The following ZNF804B variants were observed in gnomAD, a reference collection of about 807,000 sequenced individuals.
The protein encoded by ZNF804B is zinc finger 804B.
A neutral mutation model predicts 101.4 loss-of-function variants in ZNF804B; 80 were observed. The observed-to-expected ratio is 0.79, with a 90% CI of 0.66 to 0.95. The LOEUF (loss-of-function observed/expected upper bound fraction) is 0.95. ZNF804B is among the 40% of genes least tolerant of loss of function. The pLI, the probability that ZNF804B is intolerant of heterozygous loss-of-function variation, is 0.00. For synonymous variants in ZNF804B, 622 were observed against 558.8 expected (o/e 1.11, Z -1.59); for missense variants, 1,673 against 1,561.9 (o/e 1.07, Z -1.20).
At chr7:89,113,275 G>T (rs1040964193) in intron 1 of ZNF804B, among the ~76,000 whole-genome samples, 1 of 152,180 alleles carries the variant, frequency 6.6e-6, no homozygotes, top group Non-Finnish European at 1.5e-5. Flanking sequence ...ATATCTGTGT[G>T]ATGGGATCAT....
At chr7:89,030,041 A>G (rs1334285254) in intron 1 of ZNF804B, among the ~76,000 whole-genome samples, 2 of 152,164 alleles carry the variant, frequency 1.3e-5, no homozygotes, top group Non-Finnish European at 2.9e-5. Context: ...ACTGTGTTAT[A>G]AAAGAGTTAA....
intron 1 of ZNF804B, among the ~76,000 whole-genome samples, chr7:88,921,059 T>C (rs1329556293): frequency 1.3e-5 from 2 of 152,080 alleles, no homozygotes; most frequent in Non-Finnish European, 2.9e-5. Context: ...ATAAAACGAA[T>C]GCACTAATTT....
At chr7:89,052,330 T>G (rs1789219228) in intron 1 of ZNF804B, among the ~76,000 whole-genome samples, 1 of 151,976 alleles carries the variant, frequency 6.6e-6, no homozygotes, top group Non-Finnish European at 1.5e-5. Flanking sequence ...TACCATCAGT[T>G]TTATAATTTT....
chr7:89,177,433 C>T (rs1205198095), intron 1 of ZNF804B, among the ~76,000 whole-genome samples: 1 of 152,054 alleles, frequency 6.6e-6, no homozygotes, highest in Non-Finnish European at 1.5e-5. Flanking sequence ...TCTGAAGTTC[C>T]TCTTGTTACT....
intron 1 of ZNF804B, among the ~76,000 whole-genome samples, chr7:88,932,452 CAAA>C (rs1246514933): frequency 3.3e-5 from 5 of 151,362 alleles, no homozygotes; most frequent in African/African-American, 9.7e-5. Flanking sequence ...ATAAATGAAA[CAAA>C]AAGCTGATTC....
At chr7:88,929,700 GAAC>G (rs934644199) in intron 1 of ZNF804B, among the ~76,000 whole-genome samples, 12 of 151,772 alleles carry the variant, frequency 7.9e-5, no homozygotes, top group Non-Finnish European at 1.5e-4. Flanking sequence ...GTTAGTCTTT[GAAC>G]AACAACAACA....
intron 2 of ZNF804B, among the ~76,000 whole-genome samples, chr7:89,318,934 G>A (rs1051093314): frequency 3.9e-5 from 6 of 152,224 alleles, no homozygotes; most frequent in Non-Finnish European, 8.8e-5. Flanking sequence ...CCAGTCATTA[G>A]CATTGTTTCT....
At chr7:88,874,889 A>T (rs1791902440) in intron 1 of ZNF804B, among the ~76,000 whole-genome samples, 1 of 146,606 alleles carries the variant, frequency 6.8e-6, no homozygotes, top group South Asian at 2.3e-4. Context: ...CCTATTCCAA[A>T]ATTGACCACA....
chr7:88,892,050 C>G (rs11766714), intron 1 of ZNF804B, among the ~76,000 whole-genome samples: 69,301 of 151,900 alleles, frequency 0.46, 17,686 homozygotes, highest in African/African-American at 0.69. Context: ...CATCTTTCTT[C>G]TAAACCAAAG....
At chr7:89,234,686 C>T (rs2115747808) in intron 2 of ZNF804B, among the ~76,000 whole-genome samples, 1 of 152,312 alleles carries the variant, frequency 6.6e-6, no homozygotes, top group South Asian at 2.1e-4. Flanking sequence ...ATTTCTCTCT[C>T]CCCATTCCAT....
intron 1 of ZNF804B, among the ~76,000 whole-genome samples, chr7:89,076,658 A>G (rs192276069): frequency 3.0e-3 from 450 of 152,342 alleles, no homozygotes; most frequent in Middle Eastern, 0.01. Flanking sequence ...TGACATTTAC[A>G]GAAATTTTTA....
intron 1 of ZNF804B, among the ~76,000 whole-genome samples, chr7:89,216,900 A>AAG (rs1216734785): frequency 6.6e-5 from 10 of 152,272 alleles, no homozygotes; most frequent in Non-Finnish European, 1.2e-4. Flanking sequence ...TTCTTTATAC[A>AAG]TATTTACTTG....
chr7:89,258,961 A>G (rs1401905226), intron 2 of ZNF804B, among the ~76,000 whole-genome samples: 2 of 152,128 alleles, frequency 1.3e-5, no homozygotes, highest in Non-Finnish European at 2.9e-5. Flanking sequence ...ACAAAAATAC[A>G]TCATAATTTC....
chr7:88,903,276 T>C lies in ZNF804B; in HGVS notation c.108+143192T>C, dbSNP rs552820462. Among the ~76,000 whole-genome samples the C allele has an allele frequency of 1.6e-4, 25 of 152,256 alleles. No individual in the cohort carries two copies. In the South Asian group the frequency reaches 3.5e-3, roughly 21 times the overall value. On this transcript the variant is annotated intron_variant, in intron 1 of 3. Coordinates refer to ENST00000333190, the MANE Select transcript of ZNF804B (RefSeq NM_181646.5). Reference sequence around the variant, plus strand: ...CAACCATATTGCTGCAAAGGACATATGGTTTCATTCTTTTTAATGGCTGTA... The same window carrying C: ...CAACCATATTGCTGCAAAGGACATACGGTTTCATTCTTTTTAATGGCTGTA...
intron 1 of ZNF804B, among the ~76,000 whole-genome samples, chr7:88,885,440 C>A (rs986456656): frequency 3.3e-5 from 5 of 151,442 alleles, no homozygotes; most frequent in African/African-American, 9.7e-5. Context: ...TACAATATTG[C>A]TAAAATCTGG....
chr7:89,274,031 A>G (rs1789938088), intron 2 of ZNF804B, among the ~76,000 whole-genome samples: 1 of 151,818 alleles, frequency 6.6e-6, no homozygotes, highest in African/African-American at 2.4e-5. Context: ...CATACTAAAA[A>G]TCCATTCTTA....
intron 1 of ZNF804B, among the ~76,000 whole-genome samples, chr7:88,960,648 T>C (rs985688014): frequency 2.6e-5 from 4 of 151,424 alleles, no homozygotes; most frequent in African/African-American, 9.7e-5. Flanking sequence ...ATTATCTTTG[T>C]GATTTTTTTA....
chr7:89,026,356 T>C (rs561638588), intron 1 of ZNF804B, among the ~76,000 whole-genome samples: 1 of 152,280 alleles, frequency 6.6e-6, no homozygotes, highest in African/African-American at 2.4e-5. Flanking sequence ...CAGCATGGAA[T>C]ATACAAAGAG....
chr7:89,286,337 C>A (rs556925317), intron 2 of ZNF804B, among the ~76,000 whole-genome samples: 128 of 152,146 alleles, frequency 8.4e-4, no homozygotes, highest in African/African-American at 3.0e-3. Context: ...GAAAGATAAA[C>A]CTGAAAGTGA....
Sources: allele counts gnomAD v4.1 joint callset (sites outside exome capture counted in the v4.1 genomes callset), GRCh38; gene constraint gnomAD v4.1.1; transcripts MANE v1.5; gene names NCBI Gene and HGNC (gene_info 2026-07-23, HGNC 2026-07-21).